Variants in EPHA7 observed in about 807,000 individuals in gnomAD.
EPHA7 encodes EPH receptor A7.
Under a neutral mutation model 112.6 loss-of-function variants are expected in EPHA7, and 25 were observed. That is an observed-to-expected ratio of 0.22 (90% confidence interval 0.16 to 0.31). The LOEUF (loss-of-function observed/expected upper bound fraction) is 0.31, where lower values mean the gene tolerates loss of function less well. Ranked by LOEUF, EPHA7 falls within the 10% of genes least tolerant of loss-of-function variation. EPHA7 has a pLI of 1.00. For synonymous variants in EPHA7, 437 were observed against 406.5 expected, an observed-to-expected ratio of 1.07 and a Z score of -0.90; for missense variants, 962 against 1,212.6, an observed-to-expected ratio of 0.79 and a Z score of 3.07.
chr6:93,419,294 G>A lies in EPHA7; in HGVS notation c.48C>T (p.Ile16=). ...CTGTGTGTGCAAAGCGGAGCAGCCA[G>A]ATGTAGCATAAAATAATCCATGAAG... ...RYPSWIILCY[I]WLLRFAHTGE... is the part of the protein sequence containing the mutation. Residue 16 remains isoleucine (I), a synonymous_variant, in exon 1 of 17, where the codon ATC becomes ATT. Transcript: ENST00000369303. 3 of 1,614,176 alleles carry A rather than the reference G, an allele frequency of 1.9e-6. No individual in the cohort carries two copies. Among genetic ancestry groups the A allele is most frequent in the Non-Finnish European group, 1.7e-6 (2 of 1,180,012 alleles).
chr6:93,256,328 G>A (rs1191893257), intron 12 of EPHA7, among the ~76,000 whole-genome samples: 2 of 151,872 alleles, frequency 1.3e-5, no homozygotes, highest in African/African-American at 4.8e-5. Flanking sequence ...TTTAAGTTTG[G>A]AAATAGAGTA....
At chr6:93,405,625 G>A (rs1198536227) in intron 3 of EPHA7, among the ~76,000 whole-genome samples, 1 of 151,168 alleles carries the variant, frequency 6.6e-6, no homozygotes. Flanking sequence ...AGAACCCTAT[G>A]AGGGTTTCTA....
chr6:93,417,696 G>A (rs944010852), intron 1 of EPHA7, among the ~76,000 whole-genome samples: 1 of 152,148 alleles, frequency 6.6e-6, no homozygotes, highest in Non-Finnish European at 1.5e-5. Context: ...TGCCAGGGCT[G>A]AAGGTTTCTG....
intron 5 of EPHA7, among the ~76,000 whole-genome samples, chr6:93,275,657 C>T (rs183800220): frequency 6.6e-6 from 1 of 151,918 alleles, no homozygotes; most frequent in East Asian, 1.9e-4. Flanking sequence ...AGTGGTAAAT[C>T]TCAACAGCAT....
intron 5 of EPHA7, among the ~76,000 whole-genome samples, chr6:93,304,807 C>A (rs752742617): frequency 1.4e-4 from 21 of 152,032 alleles, no homozygotes; most frequent in Non-Finnish European, 2.6e-4. Context: ...CTTACCATTA[C>A]CAGAACTCAA....
At chr6:93,400,191 A>T (rs911074756) in intron 3 of EPHA7, among the ~76,000 whole-genome samples, 6 of 152,112 alleles carry the variant, frequency 3.9e-5, no homozygotes, top group Non-Finnish European at 8.8e-5. Context: ...GAAACATTTT[A>T]AAAATCCATT....
At chr6:93,312,583 A>G (rs1266414813) in intron 5 of EPHA7, among the ~76,000 whole-genome samples, 1 of 152,168 alleles carries the variant, frequency 6.6e-6, no homozygotes, top group African/African-American at 2.4e-5. Context: ...CTTTCTCCAT[A>G]TCAGCAATAA....
At chr6:93,244,681 TA>T (rs925935059) in intron 16 of EPHA7, among the ~76,000 whole-genome samples, 265 of 148,170 alleles carry the variant, frequency 1.8e-3, no homozygotes, top group African/African-American at 6.0e-3. Context: ...TTTTTCAGGT[TA>T]AAAAAAAAAG....
intron 12 of EPHA7, 74 bp downstream of exon 12, chr6:93,257,388 C>CA (rs894305079): frequency 8.6e-6 from 10 of 1,162,240 alleles, no homozygotes; most frequent in South Asian, 2.8e-5. Context: ...TTTTACATTG[C>CA]AAAAAAAGTT....
intron 5 of EPHA7, among the ~76,000 whole-genome samples, chr6:93,312,323 T>C (rs1449813864): frequency 6.6e-6 from 1 of 152,208 alleles, no homozygotes. Context: ...TCAATTATCT[T>C]AGCTAGACCT....
chr6:93,357,802 C>T (rs1005967763), intron 4 of EPHA7, among the ~76,000 whole-genome samples: 3 of 151,858 alleles, frequency 2.0e-5, no homozygotes, highest in East Asian at 1.9e-4. Context: ...TACAGGTGGG[C>T]GCCACCACTC....
chr6:93,328,011 TCTC>T (rs1774407023), intron 5 of EPHA7, among the ~76,000 whole-genome samples: 1 of 151,388 alleles, frequency 6.6e-6, no homozygotes, highest in South Asian at 2.1e-4. Context: ...TTTATTCTAC[TCTC>T]CTCCTTTCTC....
At chr6:93,414,850 ATAAC>A in intron 1 of EPHA7, 83 bp from the exon 2 acceptor site, 1 of 1,074,248 alleles carries the variant, frequency 9.3e-7, no homozygotes. Flanking sequence ...ATCTTTTCAT[ATAAC>A]TATCACTATA....
chr6:93,280,193 CA>C (rs1472050207), intron 5 of EPHA7, among the ~76,000 whole-genome samples: 2 of 152,108 alleles, frequency 1.3e-5, no homozygotes, highest in African/African-American at 4.8e-5. Context: ...AAATATAAAT[CA>C]AGTGCCAACA....
intron 3 of EPHA7, among the ~76,000 whole-genome samples, chr6:93,378,648 C>T (rs533616828): frequency 6.6e-6 from 1 of 152,180 alleles, no homozygotes; most frequent in South Asian, 2.1e-4. Context: ...CAAGTAGGGT[C>T]CTCAAGCATC....
At chr6:93,331,722 G>C (rs1269878194) in intron 5 of EPHA7, among the ~76,000 whole-genome samples, 2 of 151,580 alleles carry the variant, frequency 1.3e-5, no homozygotes, top group Non-Finnish European at 3.0e-5. Context: ...TAATTTGTAT[G>C]TGTGTGGCAA....
At chr6:93,313,120 GA>G (rs1296940325) in intron 5 of EPHA7, among the ~76,000 whole-genome samples, 2 of 152,058 alleles carry the variant, frequency 1.3e-5, no homozygotes, top group Non-Finnish European at 2.9e-5. Context: ...CATGCTGTTG[GA>G]AAACTGATGC....
At chr6:93,301,230 T>G (rs562149322) in intron 5 of EPHA7, among the ~76,000 whole-genome samples, 1 of 152,314 alleles carries the variant, frequency 6.6e-6, no homozygotes, top group South Asian at 2.1e-4. Flanking sequence ...TTCTTTTTTT[T>G]AAAATTGATA....
At position 93,325,986 on chromosome 6, in the gene EPHA7, G is replaced by A. The variant is rs144828533; in HGVS notation, c.1324+30731C>T. On this transcript the variant is annotated intron_variant, in intron 5 of 16. Coordinates refer to ENST00000369303, the MANE Select transcript of EPHA7 (RefSeq NM_004440.4). ...AAAAATGACACAACATCCTCTCTTC[G>A]CCATCAATGAGATCTAACAAAGAGT... Among the ~76,000 whole-genome samples, 754 of 151,292 alleles carry A rather than the reference G, an allele frequency of 5.0e-3. 12 individuals carry two copies. Among genetic ancestry groups the A allele is most frequent in the African/African-American group, 0.018 (727 of 41,408 alleles).
Sources: gnomAD v4.1 joint callset for allele counts (sites outside exome capture counted in the v4.1 genomes callset) on GRCh38, gnomAD v4.1.1 for gene constraint, MANE v1.5 for transcripts, NCBI Gene and HGNC (gene_info 2026-07-23, HGNC 2026-07-21) for gene names.